The following GUCY1A2 variants were observed in gnomAD, a reference collection of about 807,000 sequenced individuals.
The protein encoded by GUCY1A2 is guanylate cyclase 1 soluble subunit alpha 2.
In GUCY1A2, 27 loss-of-function variants were observed where a neutral mutation model predicts 63.5. The ratio of observed to expected loss-of-function variants is 0.43; its 90% CI spans 0.31 to 0.59. The LOEUF is 0.59. Ranked by LOEUF, GUCY1A2 falls within the 20% of genes least tolerant of loss-of-function variation. The pLI, the probability that GUCY1A2 is intolerant of heterozygous loss-of-function variation, is 0.11. For synonymous variants in GUCY1A2, 364 were observed against 343.5 expected, an observed-to-expected ratio of 1.06 and a Z score of -0.66; for missense variants, 768 against 913.3, an observed-to-expected ratio of 0.84 and a Z score of 2.05.
intron 1 of GUCY1A2, among the ~76,000 whole-genome samples, chr11:106,986,494 C>T (rs1861403155): frequency 6.6e-6 from 1 of 152,062 alleles, no homozygotes; most frequent in South Asian, 2.1e-4. Context: ...TTTTTCCTTT[C>T]CAGCATATGT....
intron 1 of GUCY1A2, among the ~76,000 whole-genome samples, chr11:107,004,107 GCTGA>G (rs766366419): frequency 1.3e-5 from 2 of 152,132 alleles, no homozygotes; most frequent in Non-Finnish European, 2.9e-5. Context: ...ATGATTGAGG[GCTGA>G]CTGTCAACAG....
In GUCY1A2 at chr11:106,675,650, T is replaced by C. The variant is rs1862333397; in HGVS notation, c.*11899A>G. On this transcript the variant is annotated 3_prime_UTR_variant, in exon 8 of 8. Transcript: ENST00000526355. ...TTATTAAAATATTTCCCTAAAGAAATACAAATGGTAAAGGTATTGAAAGTC... is the reference window on the plus strand; with the variant it reads ...TTATTAAAATATTTCCCTAAAGAAACACAAATGGTAAAGGTATTGAAAGTC... The C allele has an allele frequency of 5.3e-6, 1 of 187,612 alleles. No individual in the cohort carries two copies. The highest frequency in any genetic ancestry group is 1.1e-5 in the Non-Finnish European group (1 of 88,998). 11.6% of individuals were successfully genotyped at this position (187,612 alleles called of 1,614,324 possible). A position where few individuals can be genotyped will look rare whatever the true frequency, so the allele number is the denominator to read the frequency against.
intron 1 of GUCY1A2, among the ~76,000 whole-genome samples, chr11:106,994,078 A>G (rs1015752015): frequency 2.0e-5 from 3 of 152,184 alleles, no homozygotes; most frequent in African/African-American, 7.2e-5. Context: ...ACACAGGTAT[A>G]TATTTGCATG....
At chr11:106,880,186 G>T (rs940071895) in intron 4 of GUCY1A2, among the ~76,000 whole-genome samples, 20 of 152,008 alleles carry the variant, frequency 1.3e-4, no homozygotes, top group African/African-American at 4.8e-4. Flanking sequence ...AAGAATGTGT[G>T]TTCAGAGTTC....
intron 3 of GUCY1A2, among the ~76,000 whole-genome samples, chr11:106,944,094 A>G (rs1860788980): frequency 6.6e-6 from 1 of 151,150 alleles, no homozygotes; most frequent in East Asian, 1.9e-4. Context: ...TGTAGTCCGT[A>G]GTCCCAGCTA....
At chr11:106,703,248 C>T (rs1292737238) in intron 7 of GUCY1A2, among the ~76,000 whole-genome samples, 3 of 152,136 alleles carry the variant, frequency 2.0e-5, no homozygotes, top group African/African-American at 7.2e-5. Context: ...TGAGTCAATA[C>T]TCCTTAATAA....
At chr11:106,756,474 G>A (rs1428499678) in intron 6 of GUCY1A2, among the ~76,000 whole-genome samples, 1 of 152,204 alleles carries the variant, frequency 6.6e-6, no homozygotes. Flanking sequence ...TGTTTTTGCA[G>A]TGGCTGGTAC....
intron 4 of GUCY1A2, among the ~76,000 whole-genome samples, chr11:106,924,312 T>C (rs1234295377): frequency 6.6e-6 from 1 of 152,224 alleles, no homozygotes; most frequent in Non-Finnish European, 1.5e-5. Flanking sequence ...CTTTATACCT[T>C]CTGCATTAAT....
intron 7 of GUCY1A2, among the ~76,000 whole-genome samples, chr11:106,708,124 A>G (rs959307227): frequency 2.0e-5 from 3 of 151,998 alleles, no homozygotes; most frequent in African/African-American, 7.2e-5. Flanking sequence ...TTATTCAAAA[A>G]AACAGTCCAA....
chr11:106,905,017 T>C (rs1860185066), intron 4 of GUCY1A2, among the ~76,000 whole-genome samples: 1 of 152,106 alleles, frequency 6.6e-6, no homozygotes, highest in African/African-American at 2.4e-5. Context: ...TAATTTCATA[T>C]CCTGAGTGTC....
chr11:106,852,412 G>A (rs12274602), intron 4 of GUCY1A2, among the ~76,000 whole-genome samples: 35,620 of 151,998 alleles, frequency 0.23, 4,362 homozygotes, highest in Non-Finnish European at 0.26. Flanking sequence ...AAGGCTTTCA[G>A]CTTTTCCCGA....
At chr11:106,712,827 A>G (rs1863143291) in intron 6 of GUCY1A2, among the ~76,000 whole-genome samples, 1 of 152,138 alleles carries the variant, frequency 6.6e-6, no homozygotes, top group Non-Finnish European at 1.5e-5. Flanking sequence ...TTGTTTTCCA[A>G]GTCCTGTATA....
At chr11:106,691,994 T>C (rs918494547) in intron 7 of GUCY1A2, among the ~76,000 whole-genome samples, 1 of 152,084 alleles carries the variant, frequency 6.6e-6, no homozygotes, top group Non-Finnish European at 1.5e-5. Context: ...AGCATGCCTG[T>C]TGATGATATG....
chr11:106,928,365 G>A (rs1159391001), intron 4 of GUCY1A2, among the ~76,000 whole-genome samples: 1 of 152,078 alleles, frequency 6.6e-6, no homozygotes, highest in African/African-American at 2.4e-5. Flanking sequence ...TCACAGATGA[G>A]TCTGTGCTGA....
chr11:106,801,731 T>G (rs939214992), intron 5 of GUCY1A2, among the ~76,000 whole-genome samples: 3 of 152,152 alleles, frequency 2.0e-5, no homozygotes, highest in Admixed American at 6.6e-5. Context: ...CTGGATTGTT[T>G]GTAACACAAA....
chr11:106,708,636 G>T lies in GUCY1A2; in HGVS notation c.1867C>A (p.Leu623Met), dbSNP rs1565264171. The change falls in exon 7 of 8, where the codon CTG becomes ATG. Residue 623 changes from leucine to methionine, a missense_variant. Leu to Met is a conservative substitution (Grantham distance 15, BLOSUM62 2). Transcript: ENST00000526355. ...MRIGIHSGSV[L>M]AGVVGVRMPR... ...ATTCGCACCCCAACAACTCCAGCCA[G>T]CACGGAGCCTGAGTGAATTCCTATC... 1 of 1,608,654 alleles carries T rather than the reference G, an allele frequency of 6.2e-7. No homozygotes were observed. The highest frequency in any genetic ancestry group is 8.5e-7 in the Non-Finnish European group (1 of 1,176,854).
intron 5 of GUCY1A2, among the ~76,000 whole-genome samples, chr11:106,777,147 C>G (rs906943622): frequency 6.6e-6 from 1 of 152,048 alleles, no homozygotes; most frequent in East Asian, 1.9e-4. Flanking sequence ...CACAAATATC[C>G]TACATGAAAG....
intron 4 of GUCY1A2, among the ~76,000 whole-genome samples, chr11:106,874,938 T>C (rs1332470807): frequency 6.6e-6 from 1 of 152,112 alleles, no homozygotes; most frequent in Admixed American, 6.6e-5. Flanking sequence ...AAACTATCTC[T>C]TACTCCTTAT....
chr11:106,800,439 A>G lies in GUCY1A2; in HGVS notation c.1692+9554T>C, dbSNP rs567920956. ...TGCTGCTATAAAGACACATGCACAC[A>G]TATGTTCATTGCGGCACTATTCACA... On this transcript the variant is annotated intron_variant, in intron 5 of 7. Coordinates refer to ENST00000526355, the MANE Select transcript of GUCY1A2 (RefSeq NM_000855.3). Among the ~76,000 whole-genome samples, 9 of 152,218 alleles carry G rather than the reference A, an allele frequency of 5.9e-5. No homozygotes were observed. The East Asian group carries it at 1.2e-3, about 20-fold the overall frequency.
Sources: gnomAD v4.1 joint callset for allele counts (sites outside exome capture counted in the v4.1 genomes callset) on GRCh38, gnomAD v4.1.1 for gene constraint, MANE v1.5 for transcripts, NCBI Gene and HGNC (gene_info 2026-07-23, HGNC 2026-07-21) for gene names.